Variants in MACROD2 observed in about 807,000 individuals in gnomAD.
The protein encoded by MACROD2 is ADP-ribose glycohydrolase MACROD2.
A neutral mutation model predicts 70.4 loss-of-function variants in MACROD2; 36 were observed. The ratio of observed to expected loss-of-function variants is 0.51; its 90% confidence interval spans 0.39 to 0.68. The LOEUF is 0.68. Among genes scored for constraint, MACROD2 ranks in the 30% least tolerant of loss-of-function variants. The pLI, the probability that MACROD2 is intolerant of heterozygous loss-of-function variation, is 0.00. For missense variants in MACROD2, 496 were observed against 538.4 expected, an observed-to-expected ratio of 0.92 and a Z score of 0.78; for synonymous variants, 172 against 178.8, an observed-to-expected ratio of 0.96 and a Z score of 0.30.
At chr20:15,757,889 A>G (rs768452727) in intron 8 of MACROD2, among the ~76,000 whole-genome samples, 1 of 152,176 alleles carries the variant, frequency 6.6e-6, no homozygotes, top group Non-Finnish European at 1.5e-5. Flanking sequence ...ATACCATCAC[A>G]TTGGAGTTAG....
chr20:15,640,321 CGA>C (rs141502167), intron 8 of MACROD2, among the ~76,000 whole-genome samples: 3 of 150,822 alleles, frequency 2.0e-5, no homozygotes, highest in Non-Finnish European at 3.0e-5. Flanking sequence ...AAGTGGATAG[CGA>C]GAGAGAGAGA....
chr20:15,767,931 A>G (rs1441719366), intron 8 of MACROD2, among the ~76,000 whole-genome samples: 1 of 152,096 alleles, frequency 6.6e-6, no homozygotes, highest in Non-Finnish European at 1.5e-5. Context: ...AAATTTTTTC[A>G]TCCTTTGAAA....
chr20:14,813,221 ACAGGGTGTG>A (rs2072735177), intron 5 of MACROD2, among the ~76,000 whole-genome samples: 1 of 151,902 alleles, frequency 6.6e-6, no homozygotes, highest in Non-Finnish European at 1.5e-5. Flanking sequence ...GGATACATGT[ACAGGGTGTG>A]CAGGTTTGTT....
At chr20:14,279,048 A>G (rs1320446762) in intron 3 of MACROD2, among the ~76,000 whole-genome samples, 1 of 152,210 alleles carries the variant, frequency 6.6e-6, no homozygotes, top group Non-Finnish European at 1.5e-5. Context: ...GGAGGCCATT[A>G]GAGGCCTTTG....
chr20:14,113,726 T>C (rs1601238980), intron 3 of MACROD2, among the ~76,000 whole-genome samples: 1 of 152,244 alleles, frequency 6.6e-6, no homozygotes, highest in South Asian at 2.1e-4. Flanking sequence ...ACATGTCCAT[T>C]ACCACTGGGT....
chr20:15,978,272 C>T (rs1331030689), intron 13 of MACROD2, among the ~76,000 whole-genome samples: 1 of 152,190 alleles, frequency 6.6e-6, no homozygotes, highest in Non-Finnish European at 1.5e-5. Flanking sequence ...CTGACCCTTA[C>T]TCCGAATATT....
chr20:14,104,193 T>C (rs1220237308), intron 3 of MACROD2, among the ~76,000 whole-genome samples: 1 of 152,218 alleles, frequency 6.6e-6, no homozygotes, highest in Admixed American at 6.5e-5. Flanking sequence ...ACTTCAATGT[T>C]GTTTTAATTT....
intron 5 of MACROD2, among the ~76,000 whole-genome samples, chr20:14,943,026 G>T (rs2074403267): frequency 6.6e-6 from 1 of 152,148 alleles, no homozygotes; most frequent in African/African-American, 2.4e-5. Flanking sequence ...TCACCTGAAT[G>T]ACAGCTGTTT....
At chr20:14,001,573 C>T (rs895786927) in intron 1 of MACROD2, among the ~76,000 whole-genome samples, 1 of 151,104 alleles carries the variant, frequency 6.6e-6, no homozygotes, top group Admixed American at 6.6e-5. Flanking sequence ...CTTGCAGTTG[C>T]TGTAAAGAAA....
intron 3 of MACROD2, among the ~76,000 whole-genome samples, chr20:14,261,966 G>A (rs542807816): frequency 4.5e-4 from 69 of 152,136 alleles, no homozygotes; most frequent in Middle Eastern, 3.4e-3. Context: ...ATAGTGTTTT[G>A]GAAAATGAGG....
chr20:14,065,808 G>GA (rs1362306460), intron 2 of MACROD2, among the ~76,000 whole-genome samples: 3 of 152,308 alleles, frequency 2.0e-5, no homozygotes, highest in East Asian at 3.9e-4. Flanking sequence ...ACTGACTCTT[G>GA]AAAGAGGGGT....
chr20:15,282,836 C>G lies in MACROD2; in HGVS notation c.540+52775C>G, dbSNP rs181331020. Among the ~76,000 whole-genome samples the G allele has an allele frequency of 2.0e-5, 3 of 152,282 alleles. No homozygotes were observed. In the East Asian group the frequency reaches 5.8e-4, roughly 29 times the overall value. On this transcript the variant is annotated intron_variant, in intron 6 of 17. Transcript: ENST00000684519. ...ATCTTTATTAGCAGTGCCCCACTCT[C>G]AGTACCAATTAACTGTATCAGTCCT...
chr20:14,329,349 A>G (rs749019458), intron 3 of MACROD2: 3 of 152,124 alleles, frequency 2.0e-5, no homozygotes, highest in Non-Finnish European at 4.4e-5. Context: ...AAAGGTTTTA[A>G]TGAACTATTA....
intron 5 of MACROD2, among the ~76,000 whole-genome samples, chr20:14,810,284 CAT>C (rs1200765227): frequency 6.6e-6 from 1 of 152,066 alleles, no homozygotes; most frequent in African/African-American, 2.4e-5. Flanking sequence ...GCTGGTTCAA[CAT>C]ATGAAAATCA....
Position 13,995,850 on chromosome 20 carries a change from G to GGGGGGGGGGGGGGGT in MACROD2, c.46+41_46+42insGGGGGGGGGGGGGGT. ...AGTCCTGGGGGTGCGGGCGGTGGGG[G>GGGGGGGGGGGGGGGT]TTAGGGTGGGGGCGGGGGTCAGGCT... is the stretch of plus-strand genomic sequence containing the variant. On this transcript the variant is annotated intron_variant, in intron 1 of 17. Transcript: ENST00000684519. The surrounding 1 kb of genome is among the most constrained non-coding windows in gnomAD (Gnocchi z 4.3). The GGGGGGGGGGGGGGGT allele has an allele frequency of 4.0e-6, 2 of 505,090 alleles. No individual in the cohort carries two copies. The highest frequency in any genetic ancestry group is 2.0e-5 in the African/African-American group (1 of 48,990). 31.3% of individuals were successfully genotyped at this position (505,090 alleles called of 1,614,324 possible).
chr20:15,417,515 C>G (rs769191447), intron 6 of MACROD2, among the ~76,000 whole-genome samples: 12 of 146,790 alleles, frequency 8.2e-5, no homozygotes, highest in Non-Finnish European at 1.3e-4. Flanking sequence ...GGGAGAATCA[C>G]TTGAGTCCCA....
At chr20:15,524,027 C>T (rs891304178) in intron 8 of MACROD2, among the ~76,000 whole-genome samples, 1 of 152,098 alleles carries the variant, frequency 6.6e-6, no homozygotes, top group African/African-American at 2.4e-5. Flanking sequence ...ATGTACCTCG[C>T]CCGGGCTCAC....
intron 5 of MACROD2, among the ~76,000 whole-genome samples, chr20:15,196,293 A>C (rs2076606128): frequency 6.6e-6 from 1 of 152,200 alleles, no homozygotes. Context: ...GATTTCAAAA[A>C]AACTAAAAAT....
chr20:15,074,038 A>C (rs2075639360), intron 5 of MACROD2, among the ~76,000 whole-genome samples: 1 of 152,236 alleles, frequency 6.6e-6, no homozygotes. Context: ...ATCAATAGCC[A>C]AAATCCAACG....
Sources: allele counts gnomAD v4.1 joint callset (sites outside exome capture counted in the v4.1 genomes callset), GRCh38; gene constraint gnomAD v4.1.1; non-coding constraint Gnocchi (gnomAD v3.1); transcripts MANE v1.5; gene names NCBI Gene and HGNC (gene_info 2026-07-23, HGNC 2026-07-21).